The following VAC14 variants were observed in gnomAD, a reference collection of about 807,000 sequenced individuals.
VAC14 encodes VAC14 component of PIKFYVE complex.
In VAC14, 47 loss-of-function variants were observed where a neutral mutation model predicts 85.3. The observed-to-expected ratio is 0.55, with a 90% CI of 0.44 to 0.70. VAC14 has a LOEUF of 0.70. Ranked by LOEUF, VAC14 falls within the 30% of genes least tolerant of loss-of-function variation. The probability of loss-of-function intolerance (pLI) is 0.00; values close to 1 mark genes in which losing one functional copy is unlikely to be tolerated. For missense variants in VAC14, 861 were observed against 1,004.3 expected (o/e 0.86, Z 1.93); for synonymous variants, 447 against 430.5 (o/e 1.04, Z -0.47).
At chr16:70,729,164 G>C (rs1225990430) in intron 14 of VAC14, among the ~76,000 whole-genome samples, 1 of 152,208 alleles carries the variant, frequency 6.6e-6, no homozygotes, top group East Asian at 1.9e-4. Context: ...TGGCATTCAG[G>C]GGGCAGAGGC....
chr16:70,701,428 G>A (rs2142992713), intron 14 of VAC14, among the ~76,000 whole-genome samples: 2 of 152,262 alleles, frequency 1.3e-5, no homozygotes, highest in Non-Finnish European at 2.9e-5. Flanking sequence ...AGCTGCTCAG[G>A]CCCAAACCAC....
At chr16:70,730,252 C>T (rs1165739632) in intron 14 of VAC14, among the ~76,000 whole-genome samples, 1 of 152,026 alleles carries the variant, frequency 6.6e-6, no homozygotes, top group African/African-American at 2.4e-5. Context: ...CCCTCCAACC[C>T]ATTCGCCCCA....
In VAC14 at chr16:70,744,452, G is replaced by A. The variant is rs765786214; in HGVS notation, c.1499C>T (p.Pro500Leu). ...ASHSELQVPT[P>L]GRAGLLNTSG... The stretch of plus-strand genomic sequence containing the variant: ...GGTGTTCAGTAGGCCGGCTCTGCCA[G>A]GGGTGGGCACCTGGAGCTCTGAGTG... Residue 500 changes from proline (P) to leucine (L), a missense_variant, in exon 13 of 19, where the codon CCT becomes CTT. Physicochemically the swap from Pro to Leu is moderately conservative, Grantham distance 98. Around this residue, in one of 3 missense-constraint regions of VAC14, gnomAD observed 629 missense variants for 703.1 expected, o/e 0.89. Transcript: ENST00000261776. 1.2e-6 allele frequency: 2 copies of A among 1,614,098 alleles called. No individual in the cohort carries two copies. The highest frequency in any genetic ancestry group is 1.7e-6 in the Non-Finnish European group (2 of 1,180,016).
intron 12 of VAC14, among the ~76,000 whole-genome samples, chr16:70,757,779 G>T (rs1044239065): frequency 3.9e-5 from 6 of 152,172 alleles, no homozygotes; most frequent in Non-Finnish European, 7.3e-5. Context: ...GCTTATCGTG[G>T]GTTTATGTGT....
Position 70,780,648 on chromosome 16 carries a change from C to T in VAC14, c.1096+142G>A, listed in dbSNP as rs78920516. The T allele has an allele frequency of 5.4e-4, 587 of 1,086,250 alleles. 5 individuals carry two copies. The East Asian group carries it at 9.5e-3, about 18-fold the overall frequency. The allele number at this position is 1,086,250 out of a possible 1,614,324, so 67.3% of individuals were successfully genotyped here. A position where few individuals can be genotyped will look rare whatever the true frequency, so the allele number is the denominator to read the frequency against. Reference sequence around the variant, plus strand: ...TGGGGGAGAACCACTGCTGCCACTGCGCTGGGTTGCTGCTACAATTGTGTG... The same window carrying T: ...TGGGGGAGAACCACTGCTGCCACTGTGCTGGGTTGCTGCTACAATTGTGTG... On this transcript the variant is annotated intron_variant, in intron 9 of 18. Coordinates refer to ENST00000261776, the MANE Select transcript of VAC14 (RefSeq NM_018052.5).
At chr16:70,783,644 G>T in intron 5 of VAC14, 90 bp from the exon 6 acceptor site, 1 of 1,304,250 alleles carries the variant, frequency 7.7e-7, no homozygotes, top group Non-Finnish European at 1.1e-6. Context: ...GTAGGAAGGG[G>T]ACCCTGCTGA....
At position 70,774,417 on chromosome 16, in the gene VAC14, T is replaced by C. The variant is rs75468178; in HGVS notation, c.1097-2245A>G. Among the ~76,000 whole-genome samples the C allele has an allele frequency of 1.6e-3, 246 of 152,324 alleles. 3 individuals are homozygous for C. The East Asian group carries it at 0.045, about 28-fold the overall frequency. On this transcript the variant is annotated intron_variant, in intron 9 of 18. Coordinates refer to ENST00000261776, the MANE Select transcript of VAC14 (RefSeq NM_018052.5). ...AGTGCACCCTATCGGGGGAACGTGT[T>C]GTCTGTTAGCCTCATTACTGGTGAC...
At chr16:70,695,773 T>C in intron 16 of VAC14, 150 bp from the exon 17 acceptor site, 1 of 663,984 alleles carries the variant, frequency 1.5e-6, no homozygotes, top group Non-Finnish European at 2.6e-6. Context: ...CACCAGGCTC[T>C]TCCCTGTTCC....
chr16:70,695,498 C>T (rs1011662511), intron 17 of VAC14, 46 bp downstream of exon 17: 2 of 1,593,548 alleles, frequency 1.3e-6, no homozygotes, highest in Non-Finnish European at 1.7e-6. Flanking sequence ...CACTCCAGGG[C>T]AGCCTTGGAC....
In VAC14 at chr16:70,781,931, G is replaced by A; in HGVS notation, c.884C>T (p.Pro295Leu). 1.2e-6 allele frequency: 2 copies of A among 1,614,180 alleles called. No individual in the cohort carries two copies. Among genetic ancestry groups the A allele is most frequent in the African/African-American group, 2.7e-5 (2 of 75,050 alleles). Residue 295 changes from proline (P) to leucine (L), a missense_variant, in exon 8 of 19, where the codon CCT becomes CTT. Pro to Leu is a moderately conservative substitution (Grantham distance 98, BLOSUM62 -3). Transcript: ENST00000261776. ...FIQLAGRVML[P>L]YSSGILTAVL... ...AGCAGTCAGGATCCCGGAGGAGTAA[G>A]GCAGCATGACGCGGCCCGCCAGCTG...
intron 1 of VAC14, 147 bp from the exon 2 acceptor site, chr16:70,786,512 G>T: frequency 9.8e-7 from 1 of 1,018,876 alleles, no homozygotes; most frequent in Non-Finnish European, 1.4e-6. Context: ...CAGTTCTGTT[G>T]CTGGCTGAGT....
At chr16:70,790,887 C>A (rs769897526) in intron 1 of VAC14, among the ~76,000 whole-genome samples, 1 of 152,206 alleles carries the variant, frequency 6.6e-6, no homozygotes, top group Non-Finnish European at 1.5e-5. Context: ...GGAAAACAGG[C>A]GTCAGGCAGA....
chr16:70,743,484 G>T (rs1374998470), intron 13 of VAC14, among the ~76,000 whole-genome samples: 1 of 152,204 alleles, frequency 6.6e-6, no homozygotes, highest in Non-Finnish European at 1.5e-5. Context: ...CACTTTAACA[G>T]CTGTAACACT....
At chr16:70,729,636 G>A (rs764462810) in intron 14 of VAC14, among the ~76,000 whole-genome samples, 2 of 151,820 alleles carry the variant, frequency 1.3e-5, no homozygotes, top group African/African-American at 2.4e-5. Context: ...CTGGCCCTTC[G>A]TCATAGCCTC....
intron 6 of VAC14, 77 bp downstream of exon 6, chr16:70,783,368 T>C: frequency 6.8e-7 from 1 of 1,467,714 alleles, no homozygotes; most frequent in East Asian, 2.3e-5. Context: ...TGCCGCGGCC[T>C]CTCTGTGGGC....
chr16:70,699,425 T>C (rs2053778499), intron 14 of VAC14: 1 of 153,014 alleles, frequency 6.5e-6, no homozygotes, highest in African/African-American at 2.4e-5. Flanking sequence ...GTGACTTGAC[T>C]AAGGTCGCAG....
chr16:70,779,968 G>A (rs2033725736), intron 9 of VAC14, among the ~76,000 whole-genome samples: 1 of 151,580 alleles, frequency 6.6e-6, no homozygotes, highest in African/African-American at 2.4e-5. Flanking sequence ...TCAGCTTCCT[G>A]AGGAGCTGGG....
At chr16:70,781,392 G>C (rs1329839271) in intron 8 of VAC14, among the ~76,000 whole-genome samples, 1 of 152,300 alleles carries the variant, frequency 6.6e-6, no homozygotes, top group African/African-American at 2.4e-5. Context: ...ATATAGAGTG[G>C]TCCCAGCCAG....
chr16:70,723,853 C>T (rs112818255), intron 14 of VAC14, among the ~76,000 whole-genome samples: 1 of 152,210 alleles, frequency 6.6e-6, no homozygotes, highest in Non-Finnish European at 1.5e-5. Context: ...TGGTGGCCAC[C>T]GAGGAGGGGA....
Sources: allele counts gnomAD v4.1 joint callset (sites outside exome capture counted in the v4.1 genomes callset), GRCh38; gene constraint gnomAD v4.1.1; regional missense constraint gnomAD v4.1.1; transcripts MANE v1.5; gene names NCBI Gene and HGNC (gene_info 2026-07-23, HGNC 2026-07-21).